Variants in KCTD16 observed in about 807,000 individuals in gnomAD.
KCTD16 encodes potassium channel tetramerization domain containing 16.
A neutral mutation model predicts 33.2 loss-of-function variants in KCTD16; 13 were observed. That is an observed-to-expected ratio of 0.39 (90% CI 0.25 to 0.62). The LOEUF (loss-of-function observed/expected upper bound fraction) is 0.62. KCTD16 is among the 20% of genes least tolerant of loss of function. The probability of loss-of-function intolerance (pLI) is 0.50; values close to 1 mark genes in which losing one functional copy is unlikely to be tolerated. For missense variants in KCTD16, 441 were observed against 525.1 expected (o/e 0.84, Z 1.57); for synonymous variants, 197 against 195.3 (o/e 1.01, Z -0.07).
chr5:144,452,735 C>T (rs1440962420), intron 3 of KCTD16, among the ~76,000 whole-genome samples: 1 of 150,140 alleles, frequency 6.7e-6, no homozygotes, highest in African/African-American at 2.5e-5. Flanking sequence ...TAGAGTCTGT[C>T]ATCACTGTGA....
intron 2 of KCTD16, among the ~76,000 whole-genome samples, chr5:144,192,073 C>T (rs1012949853): frequency 6.6e-6 from 1 of 152,092 alleles, no homozygotes; most frequent in Admixed American, 6.5e-5. Context: ...GGGGGCATCT[C>T]ATTGCTGACT....
At chr5:144,273,654 A>T (rs566277123) in intron 3 of KCTD16, among the ~76,000 whole-genome samples, 1 of 152,230 alleles carries the variant, frequency 6.6e-6, no homozygotes, top group South Asian at 2.1e-4. Flanking sequence ...ACATTCTACT[A>T]AGTAAAATAA....
At chr5:144,199,290 A>T (rs922876742) in intron 2 of KCTD16, among the ~76,000 whole-genome samples, 1 of 152,322 alleles carries the variant, frequency 6.6e-6, no homozygotes, top group African/African-American at 2.4e-5. Flanking sequence ...AGTTTACACT[A>T]CTGCTTTACC....
intron 3 of KCTD16, among the ~76,000 whole-genome samples, chr5:144,232,119 G>A (rs377171887): frequency 3.9e-5 from 6 of 152,216 alleles, no homozygotes; most frequent in East Asian, 3.9e-4. Context: ...ACCACACAAC[G>A]AAAGGACAAG....
rs1382522569 is a variant in KCTD16 at position 144,210,526 on chromosome 5, C to T, written c.832+2980C>T. 2.6e-5 allele frequency among the ~76,000 whole-genome samples: 4 copies of T among 152,186 alleles called. No homozygotes were observed. In the East Asian group the frequency reaches 7.7e-4, roughly 29 times the overall value. On this transcript the variant is annotated intron_variant, in intron 3 of 3. Transcript: ENST00000512467. ...TAAGAAGGTTTCTTTACTACTTTCC[C>T]AACCAACTGACTGAATAATTACTTT...
chr5:144,259,879 GT>G (rs1444107233), intron 3 of KCTD16, among the ~76,000 whole-genome samples: 1 of 152,150 alleles, frequency 6.6e-6, no homozygotes, highest in Non-Finnish European at 1.5e-5. Flanking sequence ...CTTAGTCTCT[GT>G]TTAGGATGCC....
At chr5:144,257,888 A>AATG (rs1754896304) in intron 3 of KCTD16, among the ~76,000 whole-genome samples, 2 of 152,152 alleles carry the variant, frequency 1.3e-5, no homozygotes, top group Non-Finnish European at 2.9e-5. Context: ...AACTACCAGT[A>AATG]CCACCAAGCT....
chr5:144,346,485 C>G (rs1358814830), intron 3 of KCTD16, among the ~76,000 whole-genome samples: 1 of 151,976 alleles, frequency 6.6e-6, no homozygotes, highest in Non-Finnish European at 1.5e-5. Context: ...CAGTGTACAC[C>G]GAAGATTCCC....
intron 3 of KCTD16, among the ~76,000 whole-genome samples, chr5:144,368,067 C>G (rs1012316634): frequency 6.6e-6 from 1 of 151,986 alleles, no homozygotes; most frequent in Non-Finnish European, 1.5e-5. Flanking sequence ...CCTGTGTGTT[C>G]TCAGCAGTCA....
chr5:144,407,373 T>G (rs1429609638), intron 3 of KCTD16, among the ~76,000 whole-genome samples: 1 of 151,780 alleles, frequency 6.6e-6, no homozygotes, highest in Non-Finnish European at 1.5e-5. Flanking sequence ...TGACTGTATT[T>G]TTTTTTTTGA....
At chr5:144,362,517 C>T (rs1214280899) in intron 3 of KCTD16, among the ~76,000 whole-genome samples, 4 of 152,080 alleles carry the variant, frequency 2.6e-5, no homozygotes, top group African/African-American at 9.7e-5. Context: ...TGAATCTCAG[C>T]TTTAGGGCTT....
At chr5:144,290,310 AAAAC>A (rs1309168155) in intron 3 of KCTD16, among the ~76,000 whole-genome samples, 4 of 152,114 alleles carry the variant, frequency 2.6e-5, no homozygotes, top group African/African-American at 9.7e-5. Flanking sequence ...AAACAAAACA[AAAAC>A]AAACAACAAA....
chr5:144,388,378 G>A (rs1364566544), intron 3 of KCTD16, among the ~76,000 whole-genome samples: 1 of 152,022 alleles, frequency 6.6e-6, no homozygotes, highest in Non-Finnish European at 1.5e-5. Flanking sequence ...ACCGCGCCCG[G>A]CCTTAGAGCA....
At chr5:144,324,512 G>T (rs923219171) in intron 3 of KCTD16, among the ~76,000 whole-genome samples, 5 of 152,158 alleles carry the variant, frequency 3.3e-5, no homozygotes, top group Non-Finnish European at 5.9e-5. Context: ...GTGGAAGGCA[G>T]TGTGGCATAC....
rs1043476837 is a variant in KCTD16, at chr5:144,390,631, A to G, written c.833-83029A>G. 3.3e-5 allele frequency among the ~76,000 whole-genome samples: 5 copies of G among 151,754 alleles called. 1 individual carries two copies. The highest frequency in any genetic ancestry group is 1.2e-4 in the African/African-American group (5 of 41,292). ...CCATGGTGGTTTGCTGCACCCTTCA[A>G]CCTGTCATCTACATTAGGTATTTGT... On this transcript the variant is annotated intron_variant, in intron 3 of 3. Transcript: ENST00000512467.
At chr5:144,439,668 A>G (rs2126975817) in intron 3 of KCTD16, among the ~76,000 whole-genome samples, 1 of 152,232 alleles carries the variant, frequency 6.6e-6, no homozygotes, top group South Asian at 2.1e-4. Flanking sequence ...CAGCCCAGAG[A>G]GATGAGTGCT....
intron 2 of KCTD16, among the ~76,000 whole-genome samples, chr5:144,177,456 C>T (rs1752531767): frequency 6.6e-6 from 1 of 152,166 alleles, no homozygotes; most frequent in South Asian, 2.1e-4. Flanking sequence ...GGTTAGAAAC[C>T]TGAAATCAAG....
intron 3 of KCTD16, among the ~76,000 whole-genome samples, chr5:144,327,569 T>C (rs947492102): frequency 2.6e-5 from 4 of 152,160 alleles, no homozygotes; most frequent in African/African-American, 9.7e-5. Context: ...TCTCCCTTTC[T>C]ACAGATAATC....
intron 3 of KCTD16, among the ~76,000 whole-genome samples, chr5:144,397,230 A>G (rs1218939182): frequency 1.3e-5 from 2 of 151,912 alleles, no homozygotes; most frequent in Non-Finnish European, 2.9e-5. Flanking sequence ...AGCTTCATCC[A>G]TGTCCCTACA....
Sources: allele counts gnomAD v4.1 joint callset (sites outside exome capture counted in the v4.1 genomes callset), GRCh38; gene constraint gnomAD v4.1.1; transcripts MANE v1.5; gene names NCBI Gene and HGNC (gene_info 2026-07-23, HGNC 2026-07-21).